TOPBP1: variants seen among roughly 807,000 people sequenced by gnomAD.
The protein encoded by TOPBP1 is DNA topoisomerase 2-binding protein 1.
Under a neutral mutation model 167.7 loss-of-function variants are expected in TOPBP1, and 28 were observed. The observed-to-expected ratio is 0.17, with a 90% confidence interval of 0.12 to 0.23. The LOEUF (loss-of-function observed/expected upper bound fraction) is 0.23, where lower values mean the gene tolerates loss of function less well. TOPBP1 is among the 10% of genes least tolerant of loss of function. TOPBP1 has a pLI of 1.00. For missense variants in TOPBP1, 1,554 were observed against 1,809.6 expected (o/e 0.86, Z 2.56); for synonymous variants, 598 against 611.4 (o/e 0.98, Z 0.32).
At chr3:133,609,563 A>G (rs1334473597) in intron 25 of TOPBP1, among the ~76,000 whole-genome samples, 1 of 152,010 alleles carries the variant, frequency 6.6e-6, no homozygotes, top group Non-Finnish European at 1.5e-5. Context: ...TGGGGGAGGG[A>G]CCTCGTGGGA....
rs1484832543 is a variant in TOPBP1, at chr3:133,610,998, T to C, written c.4173+6A>G. 1.2e-6 allele frequency: 2 copies of C among 1,610,306 alleles called. No individual in the cohort carries two copies. Among genetic ancestry groups the C allele is most frequent in the Admixed American group, 1.7e-5 (1 of 59,634 alleles). ...TTGTATTACCTATATAATTGTGTTTTAATACCTCAACAATGCCAGATTCTT... is the reference window on the plus strand; with the variant it reads ...TTGTATTACCTATATAATTGTGTTTCAATACCTCAACAATGCCAGATTCTT... On this transcript the variant is annotated splice_donor_region_variant and intron_variant, in intron 25 of 27. Coordinates refer to ENST00000260810, the MANE Select transcript of TOPBP1 (RefSeq NM_007027.4).
At chr3:133,649,290 A>C (rs1331543199) in intron 10 of TOPBP1, 93 bp downstream of exon 10, 1 of 1,447,636 alleles carries the variant, frequency 6.9e-7, no homozygotes, top group Non-Finnish European at 9.1e-7. Flanking sequence ...ATTTAACTTA[A>C]AATCTAGAAA....
chr3:133,624,000 T>C, intron 17 of TOPBP1, 52 bp downstream of exon 17: 1 of 1,567,622 alleles, frequency 6.4e-7, no homozygotes, highest in Non-Finnish European at 8.6e-7. Flanking sequence ...TGAAATAATG[T>C]TTGTATACAT....
intron 23 of TOPBP1, among the ~76,000 whole-genome samples, chr3:133,614,814 C>T (rs374610381): frequency 2.8e-5 from 4 of 143,822 alleles, no homozygotes; most frequent in East Asian, 4.1e-4. Flanking sequence ...TTTTTCCACA[C>T]CGGGGCCTGT....
In TOPBP1 at chr3:133,661,029, G is replaced by GAA. The variant is rs772388014; in HGVS notation, c.84+14_84+15insTT. Reference sequence around the variant, plus strand: ...GAAAATGAATTCACGGTATTAAGATGTTTTCAACTCTTACCTCGAGAGCTT... The same window carrying GAA: ...GAAAATGAATTCACGGTATTAAGATGAATTTTCAACTCTTACCTCGAGAGCTT... On this transcript the variant is annotated intron_variant, in intron 2 of 27. Transcript: ENST00000260810. The GAA allele has an allele frequency of 5.0e-5, 78 of 1,554,290 alleles. No homozygotes were observed. Among genetic ancestry groups the GAA allele is most frequent in the Non-Finnish European group, 9.5e-6 (11 of 1,154,382 alleles).
chr3:133,656,554 A>T, intron 5 of TOPBP1, 122 bp downstream of exon 5: 2 of 958,660 alleles, frequency 2.1e-6, no homozygotes, highest in Non-Finnish European at 2.9e-6. Context: ...TTTTCGCTGG[A>T]GAAAAGAGTA....
chr3:133,612,828 C>A (rs1193323769), intron 23 of TOPBP1, among the ~76,000 whole-genome samples: 1 of 151,998 alleles, frequency 6.6e-6, no homozygotes, highest in Non-Finnish European at 1.5e-5. Context: ...TATCCAAATT[C>A]TGCCACCTTT....
intron 16 of TOPBP1, among the ~76,000 whole-genome samples, chr3:133,626,980 T>C (rs1426177516): frequency 6.6e-6 from 1 of 152,200 alleles, no homozygotes; most frequent in Non-Finnish European, 1.5e-5. Flanking sequence ...TCCGATGATC[T>C]CTTTGGGACA....
At chr3:133,604,203 C>T (rs756575765) in intron 27 of TOPBP1, among the ~76,000 whole-genome samples, 7 of 151,658 alleles carry the variant, frequency 4.6e-5, no homozygotes, top group African/African-American at 7.3e-5. Context: ...GGCGTGATCT[C>T]GTCTCACTGC....
chr3:133,608,174 G>A (rs1934552688), intron 27 of TOPBP1, among the ~76,000 whole-genome samples: 1 of 152,114 alleles, frequency 6.6e-6, no homozygotes. Context: ...GGTATTTAAT[G>A]TACATGAAAG....
intron 8 of TOPBP1, among the ~76,000 whole-genome samples, chr3:133,651,139 TA>T (rs111889299): frequency 3.8e-4 from 46 of 122,056 alleles, no homozygotes; most frequent in East Asian, 2.6e-3. Flanking sequence ...TTGGCAAGTT[TA>T]AAAAAAAAAA....
In TOPBP1 at chr3:133,623,978, G is replaced by A. The variant is rs561985001; in HGVS notation, c.2928+74C>T. 6.0e-6 allele frequency: 9 copies of A among 1,496,578 alleles called. No individual in the cohort carries two copies. The African/African-American group carries it at 1.3e-4, about 21-fold the overall frequency. 92.7% of individuals were successfully genotyped at this position (1,496,578 alleles called of 1,614,324 possible). On this transcript the variant is annotated intron_variant, in intron 17 of 27. Coordinates refer to ENST00000260810, the MANE Select transcript of TOPBP1 (RefSeq NM_007027.4). ...AGTTCCATTGAGAGTGAAAACTCTT[G>A]AGTTAGTGCTCTGAAATAATGTTTG...
Position 133,640,048 on chromosome 3 carries a change from G to A in TOPBP1, c.2144C>T (p.Ala715Val). 1 of 1,613,848 alleles carries A rather than the reference G, an allele frequency of 6.2e-7. No homozygotes were observed. The highest frequency in any genetic ancestry group is 8.5e-7 in the Non-Finnish European group (1 of 1,179,832). The change falls in exon 13 of 28, where the codon GCC becomes GTC. Residue 715 changes from alanine (A) to valine (V), a missense_variant. Physicochemically the swap from Ala to Val is moderately conservative, Grantham distance 64 (BLOSUM62 0). Around this residue, in one of 3 missense-constraint regions of TOPBP1, gnomAD observed 1,197 missense variants for 1,351.5 expected, o/e 0.89. Coordinates refer to ENST00000260810, the MANE Select transcript of TOPBP1 (RefSeq NM_007027.4). ...YEAAKKWNLP[A>V]VTIAWLLETA... ...CTCCAACAGCCAAGCTATAGTAACG[G>A]CAGGTAAATTCCACTTCTTTGCAGC...
In TOPBP1 at chr3:133,649,570, T is replaced by C; in HGVS notation, c.1317A>G (p.Glu439=). Residue 439 remains glutamate, a synonymous_variant, in exon 10 of 28, where the codon GAA becomes GAG. Transcript: ENST00000260810. ...ECFSKGYMLS[E]EPYIHANYQP... ...GGTAATTAGCATGGATATATGGTTCTTCAGAAAGCATATAACCTTTACTGA... is the reference window on the plus strand; with the variant it reads ...GGTAATTAGCATGGATATATGGTTCCTCAGAAAGCATATAACCTTTACTGA... 1.2e-6 allele frequency: 2 copies of C among 1,613,908 alleles called. No individual in the cohort carries two copies. Among genetic ancestry groups the C allele is most frequent in the South Asian group, 1.1e-5 (1 of 91,080 alleles).
At chr3:133,653,824 G>C (rs1025095124) in intron 6 of TOPBP1, among the ~76,000 whole-genome samples, 4 of 151,976 alleles carry the variant, frequency 2.6e-5, no homozygotes, top group Non-Finnish European at 5.9e-5. Flanking sequence ...TAGACACGGG[G>C]TTTCACCATG....
chr3:133,601,931 G>A (rs201844590), intron 27 of TOPBP1, among the ~76,000 whole-genome samples: 1 of 152,100 alleles, frequency 6.6e-6, no homozygotes, highest in Non-Finnish European at 1.5e-5. Context: ...ATTCTTCCAT[G>A]GATAACAGCT....
chr3:133,624,189 TACAAAAAA>T lies in TOPBP1; in HGVS notation c.2805-22_2805-15del. 1 of 1,609,192 alleles carries T rather than the reference TACAAAAAA, an allele frequency of 6.2e-7. No individual in the cohort carries two copies. The highest frequency in any genetic ancestry group is 8.5e-7 in the Non-Finnish European group (1 of 1,178,544). On this transcript the variant is annotated splice_polypyrimidine_tract_variant and intron_variant, in intron 16 of 27. Transcript: ENST00000260810. ...TCAAAACTCCACCTGAAATAACCAA[TACAAAAAA>T]ACAAATAACCAAGAGAAACATCCTC... is the stretch of plus-strand genomic sequence containing the variant.
At chr3:133,609,071 C>G (rs1934590970) in intron 25 of TOPBP1, 109 bp from the exon 26 acceptor site, 1 of 921,510 alleles carries the variant, frequency 1.1e-6, no homozygotes, top group Admixed American at 2.9e-5. Context: ...ATCTTATAAA[C>G]TTTACTTTTG....
intron 20 of TOPBP1, among the ~76,000 whole-genome samples, chr3:133,619,361 A>C (rs1935009659): frequency 1.3e-5 from 2 of 152,196 alleles, no homozygotes; most frequent in South Asian, 4.1e-4. Context: ...CATGTAATAC[A>C]GTTAGCGTAA....
Sources: allele counts gnomAD v4.1 joint callset (sites outside exome capture counted in the v4.1 genomes callset), GRCh38; gene constraint gnomAD v4.1.1; regional missense constraint gnomAD v4.1.1; transcripts MANE v1.5; gene names NCBI Gene and HGNC (gene_info 2026-07-23, HGNC 2026-07-21).